Variants in ANTXRL observed in about 807,000 individuals in gnomAD.
The protein encoded by ANTXRL is anthrax toxin receptor-like.
Under a neutral mutation model 75.4 loss-of-function variants are expected in ANTXRL, and 63 were observed. That is an observed-to-expected ratio of 0.84 (90% CI 0.68 to 1.03). The LOEUF (loss-of-function observed/expected upper bound fraction) is 1.03, where lower values mean the gene tolerates loss of function less well. Among genes scored for constraint, ANTXRL ranks in the 50% least tolerant of loss-of-function variants. ANTXRL has a pLI of 0.00. For missense variants in ANTXRL, 797 were observed against 789.4 expected, an observed-to-expected ratio of 1.01 and a Z score of -0.12; for synonymous variants, 335 against 291.3, an observed-to-expected ratio of 1.15 and a Z score of -1.53.
chr10:46,315,609 A>G (rs373908016), intron 16 of ANTXRL, among the ~76,000 whole-genome samples: 1,677 of 152,100 alleles, frequency 0.011, 8 homozygotes, highest in Non-Finnish European at 0.016. Flanking sequence ...CGGCCTTGTG[A>G]GGAGGCTATT....
chr10:46,293,796 C>A, intron 2 of ANTXRL, 33 bp from the exon 3 acceptor site: 2 of 1,528,820 alleles, frequency 1.3e-6, no homozygotes, highest in Non-Finnish European at 1.8e-6. Context: ...GCCTGTGCCA[C>A]TGGCTTCTCA....
chr10:46,309,896 C>T (rs1554962983), intron 13 of ANTXRL, among the ~76,000 whole-genome samples: 5 of 152,054 alleles, frequency 3.3e-5, no homozygotes, highest in African/African-American at 9.7e-5. Flanking sequence ...AGATGGAGCC[C>T]GGGGCAGGGA....
chr10:46,326,250 C>T (rs1839206574), intron 16 of ANTXRL, among the ~76,000 whole-genome samples: 1 of 151,914 alleles, frequency 6.6e-6, no homozygotes, highest in Non-Finnish European at 1.5e-5. Flanking sequence ...TCACCCCTGC[C>T]CTCACCCAGC....
chr10:46,321,507 C>G (rs539894102), intron 16 of ANTXRL, among the ~76,000 whole-genome samples: 1 of 152,242 alleles, frequency 6.6e-6, no homozygotes, highest in African/African-American at 2.4e-5. Context: ...GGCCCTGAAG[C>G]CTCACTGCAG....
intron 7 of ANTXRL, 79 bp downstream of exon 7, chr10:46,297,553 G>T: frequency 7.1e-7 from 1 of 1,418,010 alleles, no homozygotes; most frequent in Non-Finnish European, 9.5e-7. Flanking sequence ...GCCACCCCAA[G>T]GACGGTTGTC....
intron 10 of ANTXRL, among the ~76,000 whole-genome samples, chr10:46,304,547 G>C (rs1554961379): frequency 6.6e-6 from 1 of 152,110 alleles, no homozygotes; most frequent in East Asian, 1.9e-4. Flanking sequence ...TTTTGTGCAA[G>C]GTTGTGGTTT....
At chr10:46,298,155 G>A in intron 9 of ANTXRL, 93 bp downstream of exon 9, 1 of 1,090,410 alleles carries the variant, frequency 9.2e-7, no homozygotes, top group South Asian at 1.4e-5. Flanking sequence ...TATGTGTGGG[G>A]GAGGATGTGT....
chr10:46,292,118 G>A lies in ANTXRL; in HGVS notation c.309G>A (p.Ala103=), dbSNP rs1169927493. 26 of 1,536,084 alleles carry A rather than the reference G, an allele frequency of 1.7e-5. No homozygotes were observed. Among genetic ancestry groups the A allele is most frequent in the African/African-American group, 4.1e-5 (3 of 72,998 alleles). ...DLYMWVEETV[A]RFQSPNIRMC... ...ATATGTGGGTGGAGGAAACAGTGGCGAGGTTCCAAAGGTACAGATCTCTGC... is the reference window on the plus strand; with the variant it reads ...ATATGTGGGTGGAGGAAACAGTGGCAAGGTTCCAAAGGTACAGATCTCTGC... Residue 103 remains alanine (A), a synonymous_variant, in exon 2 of 17, where the codon GCG becomes GCA. Transcript: ENST00000620264.
intron 1 of ANTXRL, among the ~76,000 whole-genome samples, chr10:46,290,498 A>G (rs1473977306): frequency 6.6e-6 from 1 of 152,112 alleles, no homozygotes; most frequent in Non-Finnish European, 1.5e-5. Context: ...GATGGATCCT[A>G]TGGTGATCCT....
chr10:46,329,620 C>A lies in ANTXRL; in HGVS notation c.1432C>A (p.Leu478Ile). The change falls in exon 17 of 17, where the codon CTT becomes ATT. Residue 478 changes from leucine to isoleucine, a missense_variant. By Grantham distance (5) the Leu-to-Ile change is conservative. Around this residue, in one of 3 missense-constraint regions of ANTXRL, gnomAD observed 479 missense variants for 422.0 expected, o/e 1.14. Transcript: ENST00000620264. ...RDQGRYLSLA[L>I]AQSQYAQAPC... ...ACAGGGGAGGTACCTCAGCTTAGCC[C>A]TTGCACAGTCCCAATATGCACAGGC... 6.5e-7 allele frequency: 1 copy of A among 1,536,390 alleles called. No individual in the cohort carries two copies. Among genetic ancestry groups the A allele is most frequent in the South Asian group, 1.2e-5 (1 of 84,046 alleles).
chr10:46,299,459 G>A (rs1837584153), intron 9 of ANTXRL, among the ~76,000 whole-genome samples: 1 of 152,144 alleles, frequency 6.6e-6, no homozygotes, highest in African/African-American at 2.4e-5. Flanking sequence ...AGCTCTTTCT[G>A]TGTAGGCTGG....
At chr10:46,306,923 T>C in intron 11 of ANTXRL, 51 bp downstream of exon 11, 1 of 1,445,516 alleles carries the variant, frequency 6.9e-7, no homozygotes, top group Non-Finnish European at 9.2e-7. Context: ...GGAGTCAGGG[T>C]TGGGCACCTT....
At chr10:46,300,658 G>C (rs781952135) in intron 9 of ANTXRL, among the ~76,000 whole-genome samples, 11 of 152,054 alleles carry the variant, frequency 7.2e-5, no homozygotes, top group Non-Finnish European at 1.6e-4. Flanking sequence ...TTGAAGGGCC[G>C]AGCCCACCTG....
chr10:46,314,551 CTGTCCAG>C (rs1838615522), intron 16 of ANTXRL, among the ~76,000 whole-genome samples: 1 of 151,944 alleles, frequency 6.6e-6, no homozygotes, highest in South Asian at 2.1e-4. Context: ...AATGGCCTTA[CTGTCCAG>C]TGTGGTGAGA....
chr10:46,294,556 A>C (rs1239453101), intron 3 of ANTXRL, among the ~76,000 whole-genome samples: 1 of 152,124 alleles, frequency 6.6e-6, no homozygotes, highest in African/African-American at 2.4e-5. Flanking sequence ...GAGATGAAGC[A>C]CAGAAGAGAG....
Position 46,287,614 on chromosome 10 carries a change from A to G in ANTXRL, c.248+104A>G, listed in dbSNP as rs1468001010. 4.2e-6 allele frequency: 6 copies of G among 1,424,362 alleles called. No individual in the cohort carries two copies. In the African/African-American group the frequency reaches 8.6e-5, roughly 20 times the overall value. 88.2% of individuals were successfully genotyped at this position (1,424,362 alleles called of 1,614,324 possible). On this transcript the variant is annotated intron_variant, in intron 1 of 16. Transcript: ENST00000620264. ...TCAAGGAGATGCAAGCTTCCGTCACAGAAGCAGGGCCAAACTTTGGTCAGA... is the reference window on the plus strand; with the variant it reads ...TCAAGGAGATGCAAGCTTCCGTCACGGAAGCAGGGCCAAACTTTGGTCAGA...
At chr10:46,326,618 T>C (rs1839225564) in intron 16 of ANTXRL, among the ~76,000 whole-genome samples, 1 of 151,998 alleles carries the variant, frequency 6.6e-6, no homozygotes, top group Non-Finnish European at 1.5e-5. Flanking sequence ...CTGGGCCTTA[T>C]AGTCTGGGTG....
chr10:46,325,344 T>A (rs1839164088), intron 16 of ANTXRL, among the ~76,000 whole-genome samples: 1 of 152,136 alleles, frequency 6.6e-6, no homozygotes, highest in Non-Finnish European at 1.5e-5. Context: ...AAGGAATTCC[T>A]TATTCTGCAC....
rs1310853633 is a variant in ANTXRL, at chr10:46,309,189, T to C, written c.1121T>C (p.Leu374Pro). 6.5e-7 allele frequency: 1 copy of C among 1,535,760 alleles called. No homozygotes were observed. Among genetic ancestry groups the C allele is most frequent in the Non-Finnish European group, 8.7e-7 (1 of 1,146,712 alleles). Residue 374 changes from leucine to proline, a missense_variant, in exon 13 of 17, where the codon CTG (leucine) becomes CCG (proline). By Grantham distance (98) the Leu-to-Pro change is moderately conservative (BLOSUM62 -3). Transcript: ENST00000620264. ...VPLLLCCVWR[L>P]CRKQTVKEPP... ...CTGCTGCTGTGTTGTGTCTGGCGGCTGTGCCGCAAGCAGGCAAGTGCTCCC... is the reference window on the plus strand; with the variant it reads ...CTGCTGCTGTGTTGTGTCTGGCGGCCGTGCCGCAAGCAGGCAAGTGCTCCC...
Sources: gnomAD v4.1 joint callset for allele counts (sites outside exome capture counted in the v4.1 genomes callset) on GRCh38, gnomAD v4.1.1 for gene constraint, gnomAD v4.1.1 regional missense constraint, MANE v1.5 for transcripts, NCBI Gene and HGNC (gene_info 2026-07-23, HGNC 2026-07-21) for gene names.